Variants in PRSS55 observed in about 807,000 individuals in gnomAD.
The protein encoded by PRSS55 is serine protease 55.
In PRSS55, 41 loss-of-function variants were observed where a neutral mutation model predicts 23.6. That is an observed-to-expected ratio of 1.74 (90% confidence interval 1.35 to 2.26). The LOEUF is 2.26. Among genes scored for constraint, PRSS55 ranks in the 30% most tolerant of loss-of-function variants. The pLI is 0.00. For synonymous variants in PRSS55, 262 were observed against 175.5 expected (o/e 1.49, Z -3.90); for missense variants, 669 against 439.1 (o/e 1.52, Z -4.68).
In PRSS55 at chr8:10,532,888, G is replaced by A. The variant is rs376618750; in HGVS notation, c.599-18G>A. The A allele has an allele frequency of 3.9e-5, 63 of 1,614,044 alleles. No homozygotes were observed. Among genetic ancestry groups the A allele is most frequent in the African/African-American group, 3.6e-4 (27 of 75,018 alleles). ...TGAGGCCCAGTGGCTTCTCTAATGCGCTTTCTCTCTGGGCCAGCTGACAAA... is the reference window on the plus strand; with the variant it reads ...TGAGGCCCAGTGGCTTCTCTAATGCACTTTCTCTCTGGGCCAGCTGACAAA... On this transcript the variant is annotated intron_variant, in intron 3 of 4. Transcript: ENST00000328655.
intron 4 of PRSS55, among the ~76,000 whole-genome samples, chr8:10,537,116 C>A (rs1812483499): frequency 6.6e-6 from 1 of 152,170 alleles, no homozygotes; most frequent in Admixed American, 6.5e-5. Flanking sequence ...TCCAGCAACC[C>A]CACTTCTGGG....
At chr8:10,529,238 G>C (rs992537741) in intron 1 of PRSS55, among the ~76,000 whole-genome samples, 2 of 152,218 alleles carry the variant, frequency 1.3e-5, no homozygotes, top group Non-Finnish European at 2.9e-5. Flanking sequence ...GCTCAGTGAA[G>C]TGACTCTCCT....
chr8:10,530,897 G>A (rs984614829), intron 2 of PRSS55, among the ~76,000 whole-genome samples: 1 of 152,122 alleles, frequency 6.6e-6, no homozygotes, highest in Non-Finnish European at 1.5e-5. Context: ...TAAAGTGCTG[G>A]TAGACCAGTT....
intron 4 of PRSS55, among the ~76,000 whole-genome samples, chr8:10,533,749 G>A (rs941738498): frequency 1.3e-5 from 2 of 152,126 alleles, no homozygotes; most frequent in African/African-American, 4.8e-5. Flanking sequence ...TGAAGACTAG[G>A]GACCTGCTCA....
At position 10,538,671 on chromosome 8, in the gene PRSS55, A is replaced by G. The variant is rs1421119703; in HGVS notation, c.937A>G (p.Thr313Ala). 1 of 1,613,956 alleles carries G rather than the reference A, an allele frequency of 6.2e-7. No homozygotes were observed. The highest frequency in any genetic ancestry group is 1.3e-5 in the African/African-American group (1 of 74,896). ...GCCCTTCAATGCAGAGAAAAGGAGG[A>G]CTTCTGTCAAACAGAAACCTATGGG... ...GRPFNAEKRR[T>A]SVKQKPMGSP... is the part of the protein sequence containing the mutation. Residue 313 changes from threonine to alanine, a missense_variant, in exon 5 of 5, where the codon ACT (threonine) becomes GCT (alanine). Transcript: ENST00000328655.
intron 4 of PRSS55, among the ~76,000 whole-genome samples, chr8:10,549,063 C>T (rs547731482): frequency 2.0e-3 from 304 of 152,286 alleles, no homozygotes; most frequent in Non-Finnish European, 2.6e-3. Context: ...CTAGGTGGCC[C>T]CTGGAGCCTG....
At chr8:10,549,914 A>G (rs920282474) in intron 4 of PRSS55, among the ~76,000 whole-genome samples, 1 of 152,068 alleles carries the variant, frequency 6.6e-6, no homozygotes, top group Non-Finnish European at 1.5e-5. Context: ...CCCATAAGTC[A>G]TTTTTATCTT....
chr8:10,543,604 T>C (rs1812732820), downstream of PRSS55, among the ~76,000 whole-genome samples: 1 of 151,732 alleles, frequency 6.6e-6, no homozygotes, highest in Non-Finnish European at 1.5e-5. Flanking sequence ...GTTTCTAGTA[T>C]TCTCTGTTCT....
chr8:10,528,005 G>A (rs1812098307), intron 1 of PRSS55, among the ~76,000 whole-genome samples: 1 of 152,118 alleles, frequency 6.6e-6, no homozygotes, highest in Non-Finnish European at 1.5e-5. Context: ...CTGAGGTTAG[G>A]AGCTCTAGAC....
At chr8:10,548,209 G>C (rs945095187) in intron 4 of PRSS55, among the ~76,000 whole-genome samples, 4 of 152,160 alleles carry the variant, frequency 2.6e-5, no homozygotes, top group Non-Finnish European at 4.4e-5. Context: ...AGGTGGGCCT[G>C]GCTGGAGTGG....
chr8:10,540,846 A>T (rs942632276), downstream of PRSS55: 1 of 152,332 alleles, frequency 6.6e-6, no homozygotes, highest in Non-Finnish European at 1.5e-5. Context: ...CCTGGGACTC[A>T]GGCAGGCCCA....
In PRSS55 at chr8:10,529,452, T is replaced by C. The variant is rs780819847; in HGVS notation, c.155-55T>C. ...TCCCAGCCCGGTCCCCAGCTCACAC[T>C]GGATGCTGACTAAGTGTTTCCCCTT... is the stretch of plus-strand genomic sequence containing the variant. On this transcript the variant is annotated intron_variant, in intron 1 of 4. Transcript: ENST00000328655. The C allele has an allele frequency of 3.2e-6, 5 of 1,573,328 alleles. No homozygotes were observed. In the South Asian group the frequency reaches 4.4e-5, roughly 14 times the overall value.
At chr8:10,553,262 C>T (rs1045239533) in intron 4 of PRSS55, among the ~76,000 whole-genome samples, 3 of 152,176 alleles carry the variant, frequency 2.0e-5, no homozygotes, top group Non-Finnish European at 4.4e-5. Flanking sequence ...CTGCCATGAT[C>T]GTAAGTTTCC....
rs4521726 is a variant in PRSS55 at position 10,525,716 on chromosome 8, C to A, written c.131C>A (p.Pro44His). 4.6e-5 allele frequency: 74 copies of A among 1,610,214 alleles called. No homozygotes were observed. The highest frequency in any genetic ancestry group is 7.7e-5 in the South Asian group (7 of 90,578). Residue 44 changes from proline (P) to histidine (H), a missense_variant, in exon 1 of 5, where the codon CCT (proline) becomes CAT (histidine). Physicochemically the swap from Pro to His is moderately conservative, Grantham distance 77. Coordinates refer to ENST00000328655, the MANE Select transcript of PRSS55 (RefSeq NM_198464.4). Reference sequence around the variant, plus strand: ...AGGGGAGCCCACCGCCCTCAGCCCCCTCATCCCCCCAGCCCAGTCAGTGGT... The same window carrying A: ...AGGGGAGCCCACCGCCCTCAGCCCCATCATCCCCCCAGCCCAGTCAGTGGT... ...RARGAHRPQP[P>H]HPPSPVSECG...
At chr8:10,525,834 C>G in intron 1 of PRSS55, 95 bp downstream of exon 1, 1 of 1,324,986 alleles carries the variant, frequency 7.5e-7, no homozygotes, top group Non-Finnish European at 1.0e-6. Context: ...GCCAGAGCTC[C>G]AGGGCTCCCC....
intron 4 of PRSS55, among the ~76,000 whole-genome samples, chr8:10,550,551 T>C (rs149735088): frequency 6.6e-6 from 1 of 152,314 alleles, no homozygotes; most frequent in African/African-American, 2.4e-5. Flanking sequence ...GATGCCGTTT[T>C]GTTGAGTTGA....
intron 4 of PRSS55, among the ~76,000 whole-genome samples, chr8:10,545,766 T>A (rs1351453262): frequency 1.3e-5 from 2 of 152,208 alleles, no homozygotes; most frequent in Non-Finnish European, 2.9e-5. Flanking sequence ...CAGTAAAAAC[T>A]CACAAAGCAT....
rs759117312 is a variant in PRSS55 at position 10,533,015 on chromosome 8, C to T, written c.708C>T (p.Ala236=). The change falls in exon 4 of 5, where the codon GCC becomes GCT. Residue 236 remains alanine, a synonymous_variant. Transcript: ENST00000328655. ...AACTTACCAAAAATATGCTGTGTGC[C>T]GGATACAAGAATGAGAGCTATGATG... ...FPKLTKNMLC[A]GYKNESYDAC... The T allele has an allele frequency of 1.2e-5, 20 of 1,613,986 alleles. No homozygotes were observed. In the South Asian group the frequency reaches 1.3e-4, roughly 11 times the overall value.
chr8:10,537,102 A>G (rs572259233), intron 4 of PRSS55, among the ~76,000 whole-genome samples: 1 of 152,366 alleles, frequency 6.6e-6, no homozygotes, highest in Admixed American at 6.5e-5. Context: ...GAACTACCAT[A>G]TGATCCAGCA....
Sources: allele counts gnomAD v4.1 joint callset (sites outside exome capture counted in the v4.1 genomes callset), GRCh38; gene constraint gnomAD v4.1.1; transcripts MANE v1.5; gene names NCBI Gene and HGNC (gene_info 2026-07-23, HGNC 2026-07-21).